Variants in MOXD1 observed in about 807,000 individuals in gnomAD.
MOXD1 encodes monooxygenase DBH like 1.
In MOXD1, 62 loss-of-function variants were observed where a neutral mutation model predicts 66.6. That is an observed-to-expected ratio of 0.93 (90% CI 0.76 to 1.15). The LOEUF (loss-of-function observed/expected upper bound fraction) is 1.15. Among genes scored for constraint, MOXD1 ranks in the 50% most tolerant of loss-of-function variants. The pLI, the probability that MOXD1 is intolerant of heterozygous loss-of-function variation, is 0.00. For missense variants in MOXD1, 847 were observed against 754.6 expected (o/e 1.12, Z -1.44); for synonymous variants, 303 against 281.9 (o/e 1.07, Z -0.75).
intron 1 of MOXD1, among the ~76,000 whole-genome samples, chr6:132,383,660 ATTTTGACTCTT>A (rs1202326829): frequency 6.6e-6 from 1 of 152,192 alleles, no homozygotes; most frequent in African/African-American, 2.4e-5. Flanking sequence ...TAAAATCAAA[ATTTTGACTCTT>A]TATTTGGAAT....
chr6:132,349,484 T>TATATATATACATATATATATATATAC (rs1562290159), intron 4 of MOXD1, among the ~76,000 whole-genome samples: 13 of 29,786 alleles, frequency 4.4e-4, no homozygotes, highest in Non-Finnish European at 9.1e-4. Context: ...TATATATACA[T>TATATATATACATATATATATATATAC]ATATATATAT....
At chr6:132,344,801 A>G (rs77267893) in intron 4 of MOXD1, among the ~76,000 whole-genome samples, 2,120 of 152,260 alleles carry the variant, frequency 0.014, 60 homozygotes, top group African/African-American at 0.048. Context: ...CTTTGAGTTG[A>G]GAGCACTACC....
intron 1 of MOXD1, among the ~76,000 whole-genome samples, chr6:132,400,205 T>A (rs1776989852): frequency 6.6e-6 from 1 of 152,200 alleles, no homozygotes; most frequent in Non-Finnish European, 1.5e-5. Context: ...CTGATTTAAA[T>A]ACTATCAAAG....
chr6:132,320,420 G>A (rs1055537578), intron 9 of MOXD1, among the ~76,000 whole-genome samples: 9 of 152,110 alleles, frequency 5.9e-5, no homozygotes, highest in Non-Finnish European at 1.0e-4. Context: ...TACACTCCAA[G>A]TATTATTTAA....
At chr6:132,355,300 A>G (rs1404223063) in intron 4 of MOXD1, among the ~76,000 whole-genome samples, 1 of 152,032 alleles carries the variant, frequency 6.6e-6, no homozygotes, top group Non-Finnish European at 1.5e-5. Context: ...ATGCTTAGGG[A>G]CCCAGTGAGC....
chr6:132,297,448 TG>T, intron 11 of MOXD1, 131 bp from the exon 12 acceptor site: 2 of 922,174 alleles, frequency 2.2e-6, no homozygotes. Flanking sequence ...AGTCACACAC[TG>T]GGGGAGTCAG....
At chr6:132,364,805 G>A (rs376005883) in intron 4 of MOXD1, among the ~76,000 whole-genome samples, 2 of 152,054 alleles carry the variant, frequency 1.3e-5, no homozygotes, top group African/African-American at 4.8e-5. Context: ...GCTAACATAC[G>A]AGGCAAATAC....
At chr6:132,366,830 C>A (rs895199351) in intron 4 of MOXD1, among the ~76,000 whole-genome samples, 2 of 152,066 alleles carry the variant, frequency 1.3e-5, no homozygotes, top group Non-Finnish European at 2.9e-5. Flanking sequence ...ATGTTAGGTG[C>A]CTACTATAGG....
At chr6:132,353,863 T>G (rs1392611630) in intron 4 of MOXD1, among the ~76,000 whole-genome samples, 2 of 152,034 alleles carry the variant, frequency 1.3e-5, no homozygotes, top group African/African-American at 4.8e-5. Flanking sequence ...GTTTATATTT[T>G]CTTATTTTTT....
chr6:132,398,279 T>C lies in MOXD1; in HGVS notation c.264+2884A>G, dbSNP rs9493303. Among the ~76,000 whole-genome samples, 1,340 of 152,352 alleles carry C rather than the reference T, an allele frequency of 8.8e-3. 10 individuals carry two copies. Among genetic ancestry groups the C allele is most frequent in the African/African-American group, 0.027 (1,130 of 41,574 alleles). On this transcript the variant is annotated intron_variant, in intron 1 of 11. Coordinates refer to ENST00000367963, the MANE Select transcript of MOXD1 (RefSeq NM_015529.4). The stretch of plus-strand genomic sequence containing the variant: ...AGCCAATGATTCTCTACCTGATCGA[T>C]AAAAATTTACACTTACATAGTTCTC...
chr6:132,321,188 C>T (rs1032646492), intron 8 of MOXD1, among the ~76,000 whole-genome samples: 1 of 151,590 alleles, frequency 6.6e-6, no homozygotes, highest in African/African-American at 2.4e-5. Flanking sequence ...TGCTTGAACC[C>T]AGGAGGTGGA....
At chr6:132,384,257 CCTTCCTTCCTT>C (rs1209071339) in intron 1 of MOXD1, among the ~76,000 whole-genome samples, 5 of 93,464 alleles carry the variant, frequency 5.3e-5, no homozygotes, top group African/African-American at 2.6e-4. Flanking sequence ...TTCCTTCCTT[CCTTCCTTCCTT>C]CCTTCCTTCC....
chr6:132,388,709 A>G (rs181075558), intron 1 of MOXD1, among the ~76,000 whole-genome samples: 1 of 151,424 alleles, frequency 6.6e-6, no homozygotes, highest in Admixed American at 6.6e-5. Flanking sequence ...AAGGGGGTCC[A>G]TTTTGTTACT....
Position 132,324,007 on chromosome 6 carries a change from C to T in MOXD1, c.1037G>A (p.Ser346Asn), listed in dbSNP as rs779882938. 4 of 1,614,010 alleles carry T rather than the reference C, an allele frequency of 2.5e-6. No homozygotes were observed. The Admixed American group carries it at 5.0e-5, about 20-fold the overall frequency. Residue 346 changes from serine to asparagine, a missense_variant, in exon 7 of 12, where the codon AGC becomes AAC. Coordinates refer to ENST00000367963, the MANE Select transcript of MOXD1 (RefSeq NM_015529.4). ...AGVIEAGLWV[S>N]LFHTIPPGMP... ...CCCTGGAGGGATGGTATGGAAGAGG[C>T]TCACCCAGAGGCCAGCCTCAATCAC...
At chr6:132,370,182 T>C (rs2114657975) in intron 4 of MOXD1, among the ~76,000 whole-genome samples, 1 of 152,202 alleles carries the variant, frequency 6.6e-6, no homozygotes, top group African/African-American at 2.4e-5. Context: ...TCTTAACTGA[T>C]GGCTTTTCAA....
intron 4 of MOXD1, among the ~76,000 whole-genome samples, chr6:132,336,754 GGAAAAAGAGAA>G (rs1198091732): frequency 6.6e-6 from 1 of 151,964 alleles, no homozygotes; most frequent in East Asian, 1.9e-4. Flanking sequence ...AGAAAAGGAA[GGAAAAAGAGAA>G]GAAATGAGGG....
chr6:132,334,912 G>A (rs1004613605), intron 4 of MOXD1, among the ~76,000 whole-genome samples: 1 of 152,182 alleles, frequency 6.6e-6, no homozygotes, highest in Non-Finnish European at 1.5e-5. Flanking sequence ...CTTAACTTGA[G>A]CTATACAGAG....
intron 4 of MOXD1, among the ~76,000 whole-genome samples, chr6:132,346,689 T>C (rs1290892132): frequency 6.6e-6 from 1 of 152,196 alleles, no homozygotes; most frequent in African/African-American, 2.4e-5. Flanking sequence ...TTAGAACCGA[T>C]AATAAGTCCA....
intron 4 of MOXD1, among the ~76,000 whole-genome samples, chr6:132,350,675 T>A (rs1325849884): frequency 2.0e-5 from 3 of 152,152 alleles, no homozygotes; most frequent in Non-Finnish European, 2.9e-5. Flanking sequence ...ATGGTGGTAT[T>A]TTGACGGGGA....
Sources: allele counts gnomAD v4.1 joint callset (sites outside exome capture counted in the v4.1 genomes callset), GRCh38; gene constraint gnomAD v4.1.1; transcripts MANE v1.5; gene names NCBI Gene and HGNC (gene_info 2026-07-23, HGNC 2026-07-21).